The following MZF1 variants were observed in gnomAD, a reference collection of about 807,000 sequenced individuals.
MZF1 encodes zinc finger and SCAN domain-containing protein 6.
A neutral mutation model predicts 28.6 loss-of-function variants in MZF1; 24 were observed. That is an observed-to-expected ratio of 0.84 (90% CI 0.61 to 1.18). The LOEUF is 1.18. Ranked by LOEUF, MZF1 falls within the 50% of genes most tolerant of loss-of-function variation. MZF1 has a pLI of 0.00. For missense variants in MZF1, 1,166 were observed against 1,026.4 expected (o/e 1.14, Z -1.86); for synonymous variants, 516 against 432.5 (o/e 1.19, Z -2.40).
Position 58,563,500 on chromosome 19 carries a change from G to A in MZF1, c.777C>T (p.Phe259=), listed in dbSNP as rs1568678811. The change falls in exon 6 of 6, where the codon TTC becomes TTT. Residue 259 remains phenylalanine, a synonymous_variant. Coordinates refer to ENST00000215057, the MANE Select transcript of MZF1 (RefSeq NM_198055.2). ...EEAGGIFSPG[F]ALQLGSISAG... is the part of the protein sequence containing the mutation. ...CGGAGATGCTGCCTAGCTGCAGCGC[G>A]AACCCTGCATACACAAGGGGACCAT... 3.2e-6 allele frequency: 5 copies of A among 1,540,056 alleles called. No homozygotes were observed. Among genetic ancestry groups the A allele is most frequent in the South Asian group, 1.2e-5 (1 of 83,054 alleles).
At chr19:58,568,502 T>G (rs1247581037) in intron 5 of MZF1, 1 of 152,086 alleles carries the variant, frequency 6.6e-6, no homozygotes, top group African/African-American at 2.4e-5. Context: ...AGATGTGAAT[T>G]TCAAACTGAA....
chr19:58,564,898 G>GTT (rs1600099960), intron 5 of MZF1, among the ~76,000 whole-genome samples: 3 of 91,950 alleles, frequency 3.3e-5, no homozygotes, highest in Admixed American at 1.3e-4. Context: ...GCATCCATGT[G>GTT]TGTGTTTTTT....
At chr19:58,569,228 G>C (rs752918789) in intron 5 of MZF1, 49 bp downstream of exon 5, 1 of 1,532,354 alleles carries the variant, frequency 6.5e-7, no homozygotes, top group Non-Finnish European at 8.8e-7. Context: ...GGCAGAGATG[G>C]TGCTGTCCAT....
At chr19:58,563,657 TAC>T in intron 5 of MZF1, 153 bp from the exon 6 acceptor site, 1 of 611,466 alleles carries the variant, frequency 1.6e-6, no homozygotes, top group Non-Finnish European at 2.8e-6. Flanking sequence ...ATTCTATCTG[TAC>T]AGACTTCCCT....
At position 58,562,259 on chromosome 19, in the gene MZF1, C is replaced by A. The variant is rs375748545; in HGVS notation, c.2018G>T (p.Arg673Leu). Reference sequence around the variant, plus strand: ...GTAGGGCCGTTCACCCGTGTGGATGCGCCGGTGCTGGGTGAGGTTGGCGTG... The same window carrying A: ...GTAGGGCCGTTCACCCGTGTGGATGAGCCGGTGCTGGGTGAGGTTGGCGTG... The part of the protein sequence containing the change: ...RQHANLTQHR[R>L]IHTGERPYAC... The change falls in exon 6 of 6, where the codon CGC becomes CTC. Residue 673 changes from arginine (R) to leucine (L), a missense_variant. By Grantham distance (102) the Arg-to-Leu change is moderately radical. Coordinates refer to ENST00000215057, the MANE Select transcript of MZF1 (RefSeq NM_198055.2). 8.1e-6 allele frequency: 13 copies of A among 1,605,024 alleles called. No homozygotes were observed. The African/African-American group carries it at 1.8e-4, about 22-fold the overall frequency.
chr19:58,569,643 C>T, intron 3 of MZF1, 57 bp from the exon 4 acceptor site: 1 of 1,415,492 alleles, frequency 7.1e-7, no homozygotes, highest in Admixed American at 2.0e-5. Context: ...CACTGCCCTT[C>T]TTAGTGGTGT....
Position 58,569,266 on chromosome 19 carries a change from A to G in MZF1, c.772+11T>C, listed in dbSNP as rs777190705. The G allele has an allele frequency of 6.9e-6, 11 of 1,587,682 alleles. No homozygotes were observed. Among genetic ancestry groups the G allele is most frequent in the Non-Finnish European group, 7.7e-6 (9 of 1,168,126 alleles). On this transcript the variant is annotated intron_variant, in intron 5 of 5. Transcript: ENST00000215057. ...GGAAGGCCTAGTCCCACCACACCCC[A>G]TCTCACTTACCTGGGGAGAAGATGC... is the stretch of plus-strand genomic sequence containing the variant.
intron 5 of MZF1, among the ~76,000 whole-genome samples, chr19:58,564,902 G>T (rs10411568): frequency 0.12 from 4,915 of 41,496 alleles, 489 homozygotes; most frequent in African/African-American, 0.26. Context: ...CCATGTGTGT[G>T]TTTTTTTTTT....
rs1296394274 is a variant in MZF1, at chr19:58,562,768, G to A, written c.1509C>T (p.His503=). 1.3e-6 allele frequency: 2 copies of A among 1,535,412 alleles called. No individual in the cohort carries two copies. The highest frequency in any genetic ancestry group is 1.2e-5 in the South Asian group (1 of 84,366). Residue 503 remains histidine (H), a synonymous_variant, in exon 6 of 6, where the codon CAC becomes CAT. Coordinates refer to ENST00000215057, the MANE Select transcript of MZF1 (RefSeq NM_198055.2). The part of the protein sequence containing the change: ...SFARRAVLLE[H]QAVHTGDKSF... ...ACTTGTCGCCCGTGTGTACCGCCTG[G>A]TGCTCCAGCAGCACGGCGCGCCGCG...
chr19:58,563,544 C>A lies in MZF1; in HGVS notation c.773-40G>T, dbSNP rs2053981077. 3 of 1,458,428 alleles carry A rather than the reference C, an allele frequency of 2.1e-6. No homozygotes were observed. The African/African-American group carries it at 4.2e-5, about 21-fold the overall frequency. The allele number at this position is 1,458,428 out of a possible 1,614,324, so 90.3% of individuals were successfully genotyped here. Reference sequence around the variant, plus strand: ...GGACCATTCATTCATGACAGAATGCCCACCGTGCCGGGACCCACTTCATCC... The same window carrying A: ...GGACCATTCATTCATGACAGAATGCACACCGTGCCGGGACCCACTTCATCC... On this transcript the variant is annotated intron_variant, in intron 5 of 5. Coordinates refer to ENST00000215057, the MANE Select transcript of MZF1 (RefSeq NM_198055.2).
At chr19:58,569,746 C>T in intron 3 of MZF1, 160 bp from the exon 4 acceptor site, 1 of 610,618 alleles carries the variant, frequency 1.6e-6, no homozygotes, top group Non-Finnish European at 2.9e-6. Flanking sequence ...AGCTCAGGGG[C>T]TGGGTGAAGC....
chr19:58,571,563 C>G, intron 1 of MZF1, 134 bp from the exon 2 acceptor site: 1 of 804,056 alleles, frequency 1.2e-6, no homozygotes, highest in Non-Finnish European at 1.9e-6. Context: ...AAAGAAAGGC[C>G]ATCTACAACC....
At position 58,564,898 on chromosome 19, in the gene MZF1, GTGTGTTTTTTTTTTTTTTTTTTTT is replaced by G. The variant is rs1438997569; in HGVS notation, c.773-1418_773-1395del. Among the ~76,000 whole-genome samples the G allele has an allele frequency of 3.6e-3, 333 of 91,950 alleles. 12 individuals carry two copies. The highest frequency in any genetic ancestry group is 0.016 in the African/African-American group (300 of 18,950). 60.3% of individuals were successfully genotyped at this position (91,950 alleles called of 152,430 possible). ...CAGGGTGGAGAATAAGCATCCATGT[GTGTGTTTTTTTTTTTTTTTTTTTT>G]TTTTTTTTTTTTTTTTGAGACTGAG... On this transcript the variant is annotated intron_variant, in intron 5 of 5. Coordinates refer to ENST00000215057, the MANE Select transcript of MZF1 (RefSeq NM_198055.2).
rs748787144 is a variant in MZF1 at position 58,563,115 on chromosome 19, C to T, written c.1162G>A (p.Glu388Lys). 6 of 1,606,700 alleles carry T rather than the reference C, an allele frequency of 3.7e-6. No homozygotes were observed. Among genetic ancestry groups the T allele is most frequent in the Non-Finnish European group, 5.1e-6 (6 of 1,179,428 alleles). ...HTGERPFVCS[E>K]CGRSFSRSSH... ...CTGCGGCTGAAGCTGCGGCCGCACT[C>T]GCTGCACACGAATGGTCGCTCACCC... The change falls in exon 6 of 6, where the codon GAG becomes AAG. Residue 388 changes from glutamate (E) to lysine (K), a missense_variant. Glu to Lys is a moderately conservative substitution (Grantham distance 56). Transcript: ENST00000215057.
At chr19:58,569,198 G>A (rs1378419553) in intron 5 of MZF1, 79 bp downstream of exon 5, 21 of 1,480,726 alleles carry the variant, frequency 1.4e-5, no homozygotes, top group South Asian at 2.7e-5. Flanking sequence ...GGCTGCCTGC[G>A]TAGGGCCAGG....
rs770023637 is a variant in MZF1 at position 58,562,408 on chromosome 19, C to T, written c.1869G>A (p.Lys623=). 2 of 1,609,848 alleles carry T rather than the reference C, an allele frequency of 1.2e-6. No homozygotes were observed. Among genetic ancestry groups the T allele is most frequent in the Non-Finnish European group, 1.7e-6 (2 of 1,178,450 alleles). ...TRHQRTHTGE[K]PYHCGECGLG... ...GGCCGCACTCACCGCAGTGGTAGGG[C>T]TTTTCGCCGGTGTGTGTCCTCTGAT... Residue 623 remains lysine, a synonymous_variant, in exon 6 of 6, where the codon AAG becomes AAA. Transcript: ENST00000215057.
Position 58,571,097 on chromosome 19 carries a change from G to T in MZF1, c.293C>A (p.Pro98His), listed in dbSNP as rs777018460. ...VLEQFLGALP[P>H]EIQARVQGQR... ...CCCCTGCACACGGGCCTGGATCTCA[G>T]GGGGCAGTGCGCCCAGGAACTGCTC... The change falls in exon 2 of 6, where the codon CCT becomes CAT. Residue 98 changes from proline (P) to histidine (H), a missense_variant. Physicochemically the swap from Pro to His is moderately conservative, Grantham distance 77. Transcript: ENST00000215057. 1.1e-5 allele frequency: 18 copies of T among 1,613,878 alleles called. No individual in the cohort carries two copies. The highest frequency in any genetic ancestry group is 1.5e-5 in the Non-Finnish European group (18 of 1,179,986).
In MZF1 at chr19:58,561,935, C is replaced by T. The variant is rs1251855528; in HGVS notation, c.*137G>A. 1.1e-6 allele frequency: 1 copy of T among 874,602 alleles called. No homozygotes were observed. The allele number at this position is 874,602 out of a possible 1,614,324, so 54.2% of individuals were successfully genotyped here. ...CACTGAGTGGGTGGAGACCCAGTTT[C>T]CATCTACTGTTTATTGGACACCTAC... On this transcript the variant is annotated 3_prime_UTR_variant, in exon 6 of 6. Transcript: ENST00000215057.
chr19:58,572,385 G>T (rs903672935), intron 1 of MZF1, among the ~76,000 whole-genome samples: 10 of 152,108 alleles, frequency 6.6e-5, no homozygotes, highest in Admixed American at 5.2e-4. Context: ...GATTTAGCTG[G>T]GGTTGGAAGG....
Sources: gnomAD v4.1 joint callset for allele counts (sites outside exome capture counted in the v4.1 genomes callset) on GRCh38, gnomAD v4.1.1 for gene constraint, MANE v1.5 for transcripts, NCBI Gene and HGNC (gene_info 2026-07-23, HGNC 2026-07-21) for gene names.